The following CORO7 variants were observed in gnomAD, a reference collection of about 807,000 sequenced individuals.
CORO7 encodes coronin 7, also known as coronin-7.
Under a neutral mutation model 126.6 loss-of-function variants are expected in CORO7, and 107 were observed. That is an observed-to-expected ratio of 0.85 (90% CI 0.72 to 0.99). CORO7 has a LOEUF of 0.99. Ranked by LOEUF, CORO7 falls within the 50% of genes least tolerant of loss-of-function variation. The pLI is 0.00. For synonymous variants in CORO7, 603 were observed against 536.8 expected (o/e 1.12, Z -1.70); for missense variants, 1,314 against 1,255.8 (o/e 1.05, Z -0.70).
chr16:4,381,039 G>T (rs377058440), intron 9 of CORO7: 2 of 1,610,540 alleles, frequency 1.2e-6, no homozygotes, highest in Non-Finnish European at 1.7e-6. Context: ...CACCCGACAC[G>T]GTGGGGCTGT....
chr16:4,365,959 G>A (rs1038495831), intron 9 of CORO7, among the ~76,000 whole-genome samples: 3 of 152,188 alleles, frequency 2.0e-5, no homozygotes, highest in East Asian at 3.8e-4. Flanking sequence ...GTCCCCACTC[G>A]GCACTGCCTG....
chr16:4,413,160 G>T, intron 2 of CORO7, 148 bp downstream of exon 2: 1 of 751,432 alleles, frequency 1.3e-6, no homozygotes, highest in Non-Finnish European at 2.1e-6. Flanking sequence ...GGGGTCTAAG[G>T]TCTGGCATGG....
At chr16:4,389,110 G>A (rs1483327905) in intron 7 of CORO7, among the ~76,000 whole-genome samples, 1 of 152,224 alleles carries the variant, frequency 6.6e-6, no homozygotes, top group East Asian at 1.9e-4. Context: ...GGCAGGGCTT[G>A]TGGCAAAGCA....
At chr16:4,408,051 CG>C in intron 4 of CORO7, 129 bp downstream of exon 4, 2 of 1,401,792 alleles carry the variant, frequency 1.4e-6, no homozygotes, top group Non-Finnish European at 2.0e-6. Context: ...AGACCAGCCC[CG>C]CAGCCCTGGG....
Position 4,360,360 on chromosome 16 carries a change from C to G in CORO7, c.2026G>C (p.Gly676Arg). ...CCGCGTCCTCCCTTGGGCCCTGGGCCTTCCTGTTGAGATACATCGCGTGAC... is the reference window on the plus strand; with the variant it reads ...CCGCGTCCTCCCTTGGGCCCTGGGCGTTCCTGTTGAGATACATCGCGTGAC... Reference protein sequence around the residue: ...PRSGPEPLQEGPGPKGGRGAR... With the variant: ...PRSGPEPLQERPGPKGGRGAR... Residue 676 changes from glycine to arginine, a missense_variant, in exon 21 of 28, where the codon GGC becomes CGC. Physicochemically the swap from Gly to Arg is moderately radical, Grantham distance 125. Coordinates refer to ENST00000251166, the MANE Select transcript of CORO7 (RefSeq NM_024535.5). The G allele has an allele frequency of 6.2e-7, 1 of 1,613,642 alleles. No individual in the cohort carries two copies. The highest frequency in any genetic ancestry group is 8.5e-7 in the Non-Finnish European group (1 of 1,180,000).
At chr16:4,392,314 T>C (rs1212017237) in intron 7 of CORO7, among the ~76,000 whole-genome samples, 2 of 151,910 alleles carry the variant, frequency 1.3e-5, no homozygotes, top group African/African-American at 4.8e-5. Context: ...CCTGCCTCTG[T>C]CACCCTGAGG....
In CORO7 at chr16:4,407,494, C is replaced by T. The variant is rs1226353323; in HGVS notation, c.487+7G>A. The T allele has an allele frequency of 1.9e-6, 3 of 1,562,576 alleles. No individual in the cohort carries two copies. The highest frequency in any genetic ancestry group is 1.7e-6 in the Non-Finnish European group (2 of 1,153,424). On this transcript the variant is annotated splice_region_variant and intron_variant, in intron 5 of 27. Transcript: ENST00000251166. The stretch of plus-strand genomic sequence containing the variant: ...CCCTGGGAAGGGCAGGCCAGGGTGG[C>T]CTGTACCTGTCAGGGGCTGCTGCTT...
chr16:4,365,488 C>T lies in CORO7; in HGVS notation c.840+3G>A. On this transcript the variant is annotated splice_donor_region_variant and intron_variant, in intron 10 of 27. Coordinates refer to ENST00000251166, the MANE Select transcript of CORO7 (RefSeq NM_024535.5). ...TGGGTGGGAGCCCCAGCTTCTCACTCACCTTTCCTGCCAGGACCAGGAGCC... is the reference window on the plus strand; with the variant it reads ...TGGGTGGGAGCCCCAGCTTCTCACTTACCTTTCCTGCCAGGACCAGGAGCC... 1 of 1,561,310 alleles carries T rather than the reference C, an allele frequency of 6.4e-7. No individual in the cohort carries two copies. The highest frequency in any genetic ancestry group is 8.7e-7 in the Non-Finnish European group (1 of 1,153,562).
chr16:4,409,853 C>A (rs1481405983), intron 3 of CORO7, among the ~76,000 whole-genome samples: 1 of 152,244 alleles, frequency 6.6e-6, no homozygotes, highest in African/African-American at 2.4e-5. Context: ...CCCCACCTGG[C>A]CATTTCTCCC....
chr16:4,360,660 C>T (rs1313329847), intron 19 of CORO7, 112 bp from the exon 20 acceptor site: 3 of 1,409,408 alleles, frequency 2.1e-6, no homozygotes, highest in Admixed American at 4.0e-5. Context: ...ACTGCTGTTC[C>T]CGCCTCTCCT....
chr16:4,359,469 G>A lies in CORO7; in HGVS notation c.2250+11C>T. The A allele has an allele frequency of 1.2e-6, 2 of 1,613,406 alleles. No homozygotes were observed. The highest frequency in any genetic ancestry group is 1.7e-6 in the Non-Finnish European group (2 of 1,179,930). Reference sequence around the variant, plus strand: ...CTCTCACCTGCCATCCCGCCCTCCAGCCCAGCCCACCTTGCCGGTCAGGAG... The same window carrying A: ...CTCTCACCTGCCATCCCGCCCTCCAACCCAGCCCACCTTGCCGGTCAGGAG... On this transcript the variant is annotated intron_variant, in intron 22 of 27. Coordinates refer to ENST00000251166, the MANE Select transcript of CORO7 (RefSeq NM_024535.5).
At chr16:4,363,251 G>A (rs1348890204) in intron 14 of CORO7, 1 of 152,224 alleles carries the variant, frequency 6.6e-6, no homozygotes, top group African/African-American at 2.4e-5. Flanking sequence ...CCAACATGGT[G>A]AAGCCTGACT....
intron 9 of CORO7, among the ~76,000 whole-genome samples, chr16:4,366,694 C>A (rs1440263890): frequency 6.6e-6 from 1 of 152,082 alleles, no homozygotes; most frequent in Non-Finnish European, 1.5e-5. Flanking sequence ...GTGTGCACCA[C>A]CATGGCTGGC....
intron 25 of CORO7, chr16:4,357,506 C>A (rs1184262137): frequency 2.3e-6 from 1 of 437,678 alleles, no homozygotes; most frequent in Non-Finnish European, 4.0e-6. Context: ...ATTGCAGGCG[C>A]CCACCACGCC....
chr16:4,356,563 G>A (rs1331455232), intron 26 of CORO7: 1 of 153,760 alleles, frequency 6.5e-6, no homozygotes, highest in Non-Finnish European at 1.4e-5. Flanking sequence ...CTCCCGAGTA[G>A]CTGGGATCAC....
chr16:4,371,825 G>A (rs1464814621), intron 9 of CORO7: 1 of 152,060 alleles, frequency 6.6e-6, no homozygotes, highest in Non-Finnish European at 1.5e-5. Flanking sequence ...GACTCTTAAG[G>A]CGCGACCTGC....
chr16:4,410,087 T>C (rs1461890114), intron 3 of CORO7, among the ~76,000 whole-genome samples: 1 of 152,136 alleles, frequency 6.6e-6, no homozygotes, highest in African/African-American at 2.4e-5. Context: ...CTTGCAAGCA[T>C]CACCAACTTG....
chr16:4,409,238 G>A (rs1209648379), intron 3 of CORO7, among the ~76,000 whole-genome samples: 3 of 152,230 alleles, frequency 2.0e-5, no homozygotes, highest in African/African-American at 4.8e-5. Context: ...AAGATAGGAC[G>A]GACGTGCACA....
rs978239454 is a variant in CORO7, at chr16:4,413,333, C to T, written c.132G>A (p.Leu44=). The change falls in exon 2 of 28, where the codon TTG becomes TTA. Residue 44 remains leucine, a synonymous_variant. Transcript: ENST00000251166. ...CRNHIKSSCS[L]IAFNSDRPGV... is the part of the protein sequence containing the mutation. ...CAGGACGGTCGGAGTTGAAGGCGATCAAGCTGCAGCTTGATTTGATGTGGT... is the reference window on the plus strand; with the variant it reads ...CAGGACGGTCGGAGTTGAAGGCGATTAAGCTGCAGCTTGATTTGATGTGGT... 6.3e-7 allele frequency: 1 copy of T among 1,584,634 alleles called. No homozygotes were observed. The highest frequency in any genetic ancestry group is 1.1e-5 in the South Asian group (1 of 87,030).
Sources: gnomAD v4.1 joint callset for allele counts (sites outside exome capture counted in the v4.1 genomes callset) on GRCh38, gnomAD v4.1.1 for gene constraint, MANE v1.5 for transcripts, NCBI Gene and HGNC (gene_info 2026-07-23, HGNC 2026-07-21) for gene names.